The following VIPAS39 variants were observed in gnomAD, a reference collection of about 807,000 sequenced individuals.
VIPAS39 encodes spermatogenesis-defective protein 39 homolog.
A neutral mutation model predicts 84.7 loss-of-function variants in VIPAS39; 63 were observed. The observed-to-expected ratio is 0.74, with a 90% CI of 0.61 to 0.92. VIPAS39 has a LOEUF of 0.92. VIPAS39 is among the 40% of genes least tolerant of loss of function. The probability of loss-of-function intolerance (pLI) is 0.00; values close to 1 mark genes in which losing one functional copy is unlikely to be tolerated. For synonymous variants in VIPAS39, 192 were observed against 216.5 expected (o/e 0.89, Z 0.99); for missense variants, 499 against 604.5 (o/e 0.83, Z 1.83).
intron 7 of VIPAS39, among the ~76,000 whole-genome samples, chr14:77,446,717 T>C (rs1397306770): frequency 6.6e-6 from 1 of 152,138 alleles, no homozygotes; most frequent in Non-Finnish European, 1.5e-5. Context: ...TATATAATAA[T>C]CAAGACTGTA....
chr14:77,449,463 A>G lies in VIPAS39; in HGVS notation c.383-106T>C, dbSNP rs533258311. ...CATTTTTTTGACTTGTGGGCTCCCAATGTTAACTTTATGGCCAAAAGCAGA... is the reference window on the plus strand; with the variant it reads ...CATTTTTTTGACTTGTGGGCTCCCAGTGTTAACTTTATGGCCAAAAGCAGA... On this transcript the variant is annotated intron_variant, in intron 5 of 19. Transcript: ENST00000557658. 24 of 1,438,314 alleles carry G rather than the reference A, an allele frequency of 1.7e-5. No homozygotes were observed. The African/African-American group carries it at 2.1e-4, about 13-fold the overall frequency. 89.1% of individuals were successfully genotyped at this position (1,438,314 alleles called of 1,614,324 possible).
intron 4 of VIPAS39, 95 bp from the exon 5 acceptor site, chr14:77,449,847 C>T (rs1322615376): frequency 2.6e-5 from 36 of 1,366,572 alleles, no homozygotes; most frequent in East Asian, 2.5e-4. Context: ...AACTCAATAA[C>T]GCAATATAGG....
intron 7 of VIPAS39, among the ~76,000 whole-genome samples, chr14:77,447,965 C>CTTTTTTTTTTTT (rs1301071234): frequency 9.4e-5 from 13 of 138,902 alleles, no homozygotes; most frequent in African/African-American, 3.3e-4. Flanking sequence ...CCCGGCTTCT[C>CTTTTTTTTTTTT]TTTTTTTTTT....
At chr14:77,441,378 T>C (rs972562399) in intron 10 of VIPAS39, among the ~76,000 whole-genome samples, 4 of 152,132 alleles carry the variant, frequency 2.6e-5, no homozygotes, top group African/African-American at 9.7e-5. Flanking sequence ...TGTTGTTTTT[T>C]TTTTTCCTAA....
intron 4 of VIPAS39, 73 bp from the exon 5 acceptor site, chr14:77,449,825 C>G: frequency 1.3e-6 from 2 of 1,517,558 alleles, no homozygotes; most frequent in Non-Finnish European, 1.8e-6. Context: ...GTTAAAGACA[C>G]AATGTGTAAC....
intron 12 of VIPAS39, among the ~76,000 whole-genome samples, chr14:77,436,760 GA>G (rs2078618595): frequency 6.6e-6 from 1 of 152,106 alleles, no homozygotes; most frequent in South Asian, 2.1e-4. Flanking sequence ...TGTTATACAT[GA>G]AGATGCTGAG....
At chr14:77,454,769 G>A (rs2078936587) in intron 1 of VIPAS39, among the ~76,000 whole-genome samples, 1 of 151,716 alleles carries the variant, frequency 6.6e-6, no homozygotes, top group Non-Finnish European at 1.5e-5. Context: ...GTGCAAGGCA[G>A]GCAAATGTTA....
intron 16 of VIPAS39, among the ~76,000 whole-genome samples, chr14:77,433,525 A>AAGGAGAG (rs2078557294): frequency 6.6e-6 from 1 of 152,186 alleles, no homozygotes; most frequent in Non-Finnish European, 1.5e-5. Flanking sequence ...CGTAGTATTA[A>AAGGAGAG]AGGAGAGGTG....
intron 8 of VIPAS39, among the ~76,000 whole-genome samples, chr14:77,443,947 G>A (rs1348010761): frequency 6.6e-6 from 1 of 150,520 alleles, no homozygotes; most frequent in African/African-American, 2.5e-5. Flanking sequence ...GACCTGAGGT[G>A]AGAGGATCAC....
intron 1 of VIPAS39, among the ~76,000 whole-genome samples, chr14:77,454,372 G>A (rs1388475170): frequency 6.6e-6 from 1 of 152,082 alleles, no homozygotes; most frequent in South Asian, 2.1e-4. Context: ...GGTGTTGTAA[G>A]GTATATAAAA....
rs117115239 is a variant in VIPAS39 at position 77,432,746 on chromosome 14, G to A, written c.1179+1096C>T. Among the ~76,000 whole-genome samples, 1,333 of 152,150 alleles carry A rather than the reference G, an allele frequency of 8.8e-3. 17 individuals are homozygous for A. Among genetic ancestry groups the A allele is most frequent in the South Asian group, 0.037 (176 of 4,804 alleles). On this transcript the variant is annotated intron_variant, in intron 16 of 19. Transcript: ENST00000557658. ...ACATAGAAAGTAGTTTCCAGAGGGG[G>A]AAAAAAGTAGGTCAAAGGATACAAA...
Position 77,448,562 on chromosome 14 carries a change from G to T in VIPAS39, c.448-12C>A. 1 of 1,613,994 alleles carries T rather than the reference G, an allele frequency of 6.2e-7. No individual in the cohort carries two copies. Among genetic ancestry groups the T allele is most frequent in the Non-Finnish European group, 8.5e-7 (1 of 1,179,904 alleles). ...TCATTGCTGTAATCCTGGAATATTAGCAATACGTGAATCCCAGGAAGTTAA... is the reference window on the plus strand; with the variant it reads ...TCATTGCTGTAATCCTGGAATATTATCAATACGTGAATCCCAGGAAGTTAA... On this transcript the variant is annotated splice_polypyrimidine_tract_variant and intron_variant, in intron 6 of 19. Transcript: ENST00000557658.
At position 77,448,610 on chromosome 14, in the gene VIPAS39, C is replaced by T. The variant is rs1236348946; in HGVS notation, c.448-60G>A. The T allele has an allele frequency of 3.2e-6, 5 of 1,556,110 alleles. No individual in the cohort carries two copies. The Admixed American group carries it at 8.4e-5, about 26-fold the overall frequency. Reference sequence around the variant, plus strand: ...TAAGGAATCAAATTTATCAGCATACCCGCTCCTCAACTCAAACTCAGTCTT... The same window carrying T: ...TAAGGAATCAAATTTATCAGCATACTCGCTCCTCAACTCAAACTCAGTCTT... On this transcript the variant is annotated intron_variant, in intron 6 of 19. Transcript: ENST00000557658.
chr14:77,455,417 C>T (rs2078946423), intron 1 of VIPAS39, among the ~76,000 whole-genome samples: 1 of 152,086 alleles, frequency 6.6e-6, no homozygotes, highest in Non-Finnish European at 1.5e-5. Flanking sequence ...CTTGGGACGT[C>T]GAGGCTGCTA....
intron 1 of VIPAS39, among the ~76,000 whole-genome samples, 183 bp from the exon 2 acceptor site, chr14:77,454,285 A>G (rs1028931367): frequency 5.3e-5 from 8 of 152,318 alleles, no homozygotes; most frequent in South Asian, 4.1e-4. Flanking sequence ...TGATCAAATC[A>G]TACTTCTAAT....
At chr14:77,438,019 G>A (rs2078641423) in intron 11 of VIPAS39, 138 bp from the exon 12 acceptor site, 1 of 795,882 alleles carries the variant, frequency 1.3e-6, no homozygotes, top group East Asian at 2.7e-5. Context: ...GCGGGTGGGG[G>A]GATAGGCAAA....
intron 5 of VIPAS39, 67 bp from the exon 6 acceptor site, chr14:77,449,424 CT>C: frequency 6.3e-7 from 1 of 1,585,252 alleles, no homozygotes. Context: ...CTTCCCTCTA[CT>C]TCTTCGTTCT....
chr14:77,443,888 A>C (rs1374701335), intron 8 of VIPAS39, among the ~76,000 whole-genome samples: 2 of 151,832 alleles, frequency 1.3e-5, no homozygotes, highest in South Asian at 2.1e-4. Context: ...AAAAAAAAAA[A>C]AAACTAGCCA....
chr14:77,449,730 G>A lies in VIPAS39; in HGVS notation c.366C>T (p.Phe122=). The change falls in exon 5 of 20, where the codon TTC becomes TTT. Residue 122 remains phenylalanine (F), a synonymous_variant. Coordinates refer to ENST00000557658, the MANE Select transcript of VIPAS39 (RefSeq NM_001193315.2). ...FFRGRTRPGS[F]QSLSDALSDT... is the part of the protein sequence containing the mutation. ...AATGCCTACCATCAGAAAGGGACTG[G>A]AAACTTCCAGGTCTAGTTCTACCTA... 6.2e-7 allele frequency: 1 copy of A among 1,614,140 alleles called. No individual in the cohort carries two copies. The highest frequency in any genetic ancestry group is 8.5e-7 in the Non-Finnish European group (1 of 1,180,018).
Sources: gnomAD v4.1 joint callset for allele counts (sites outside exome capture counted in the v4.1 genomes callset) on GRCh38, gnomAD v4.1.1 for gene constraint, MANE v1.5 for transcripts, NCBI Gene and HGNC (gene_info 2026-07-23, HGNC 2026-07-21) for gene names.